Variants in GOLGA5 observed in about 807,000 individuals in gnomAD.
The protein encoded by GOLGA5 is golgin A5, also known as golgin subfamily A member 5.
Under a neutral mutation model 93.5 loss-of-function variants are expected in GOLGA5, and 50 were observed. The ratio of observed to expected loss-of-function variants is 0.53; its 90% CI spans 0.43 to 0.68. The LOEUF (loss-of-function observed/expected upper bound fraction) is 0.68. GOLGA5 is among the 30% of genes least tolerant of loss of function. GOLGA5 has a pLI of 0.00. For synonymous variants in GOLGA5, 312 were observed against 304.5 expected, an observed-to-expected ratio of 1.02 and a Z score of -0.26; for missense variants, 760 against 856.4, an observed-to-expected ratio of 0.89 and a Z score of 1.40.
In GOLGA5 at chr14:92,811,777, T is replaced by C. The variant is rs751617581; in HGVS notation, c.1320+23T>C. ...CAAGTAAGCATGAAATGTACACTTTTGGATGTTAAGATGTGCAAGTTAACT... is the reference window on the plus strand; with the variant it reads ...CAAGTAAGCATGAAATGTACACTTTCGGATGTTAAGATGTGCAAGTTAACT... On this transcript the variant is annotated intron_variant, in intron 6 of 12. Transcript: ENST00000163416. 4.5e-6 allele frequency: 7 copies of C among 1,538,784 alleles called. No homozygotes were observed. The South Asian group carries it at 7.8e-5, about 17-fold the overall frequency.
At chr14:92,815,269 T>C (rs1188522813) in intron 6 of GOLGA5, among the ~76,000 whole-genome samples, 1 of 152,242 alleles carries the variant, frequency 6.6e-6, no homozygotes, top group Non-Finnish European at 1.5e-5. Context: ...AGTCTACCCA[T>C]ATTTCAAGGC....
intron 2 of GOLGA5, among the ~76,000 whole-genome samples, chr14:92,805,982 A>T (rs1286934093): frequency 1.3e-5 from 2 of 149,480 alleles, no homozygotes; most frequent in Non-Finnish European, 3.0e-5. Context: ...GTTTGATTAA[A>T]AAAAAAAAAC....
rs768631879 is a variant in GOLGA5, at chr14:92,839,404, T to C, written c.2154T>C (p.Thr718=). The part of the protein sequence containing the change: ...LHLWVMIVLL[T]YTPEMHHDQP... ...TCTGGGTCATGATTGTTCTGTTGACTTACACACCAGAAATGCACCACGACC... is the reference window on the plus strand; with the variant it reads ...TCTGGGTCATGATTGTTCTGTTGACCTACACACCAGAAATGCACCACGACC... Residue 718 remains threonine, a synonymous_variant, in exon 13 of 13, where the codon ACT becomes ACC. Coordinates refer to ENST00000163416, the MANE Select transcript of GOLGA5 (RefSeq NM_005113.4). 2 of 1,612,564 alleles carry C rather than the reference T, an allele frequency of 1.2e-6. No individual in the cohort carries two copies. Among genetic ancestry groups the C allele is most frequent in the South Asian group, 1.1e-5 (1 of 91,066 alleles).
At chr14:92,816,541 C>CGCTTT (rs372117603) in intron 7 of GOLGA5, 120 bp downstream of exon 7, 22 of 718,388 alleles carry the variant, frequency 3.1e-5, no homozygotes, top group South Asian at 2.6e-4. Context: ...CGCTTCGCTT[C>CGCTTT]GCTTCTCTTC....
intron 2 of GOLGA5, among the ~76,000 whole-genome samples, chr14:92,799,161 CAG>C (rs765981470): frequency 1.5e-4 from 23 of 152,100 alleles, no homozygotes; most frequent in South Asian, 8.3e-4. Flanking sequence ...TTAATAGAAA[CAG>C]TGTCTCACTG....
At chr14:92,811,876 G>A (rs1284916542) in intron 6 of GOLGA5, 122 bp downstream of exon 6, 2 of 714,356 alleles carry the variant, frequency 2.8e-6, no homozygotes, top group East Asian at 2.7e-5. Flanking sequence ...CTAGCTTTAG[G>A]TGCCTTACTC....
At chr14:92,838,818 G>A (rs141841665) in intron 12 of GOLGA5, among the ~76,000 whole-genome samples, 485 of 152,270 alleles carry the variant, frequency 3.2e-3, no homozygotes, top group Middle Eastern at 0.014. Context: ...GTGCCCATGA[G>A]ATGTGATTTC....
At chr14:92,811,408 C>T (rs1168830596) in intron 5 of GOLGA5, 143 bp from the exon 6 acceptor site, 1 of 625,450 alleles carries the variant, frequency 1.6e-6, no homozygotes, top group African/African-American at 1.9e-5. Flanking sequence ...ACTTTAGCTC[C>T]TAACAAATTA....
At chr14:92,819,305 A>G (rs1195671396) in intron 7 of GOLGA5, among the ~76,000 whole-genome samples, 1 of 152,090 alleles carries the variant, frequency 6.6e-6, no homozygotes, top group Non-Finnish European at 1.5e-5. Flanking sequence ...ACCATGTCTC[A>G]TTCACCTTTA....
At chr14:92,799,458 T>TTG (rs386382182) in intron 2 of GOLGA5, among the ~76,000 whole-genome samples, 1 of 148,874 alleles carries the variant, frequency 6.7e-6, no homozygotes, top group African/African-American at 2.5e-5. Flanking sequence ...TTTTTTTTTT[T>TTG]TGTATTTTTA....
intron 6 of GOLGA5, among the ~76,000 whole-genome samples, chr14:92,815,947 C>T (rs1033348186): frequency 1.4e-4 from 22 of 151,908 alleles, no homozygotes; most frequent in African/African-American, 4.3e-4. Context: ...CCTCGTGATC[C>T]GCCCGCCTCA....
At chr14:92,801,104 C>G (rs1884860548) in intron 2 of GOLGA5, among the ~76,000 whole-genome samples, 2 of 152,144 alleles carry the variant, frequency 1.3e-5, no homozygotes, top group South Asian at 4.1e-4. Flanking sequence ...CACAAATTGC[C>G]AAATGTCCCT....
intron 10 of GOLGA5, among the ~76,000 whole-genome samples, chr14:92,834,024 T>A (rs1030444553): frequency 1.3e-5 from 2 of 151,678 alleles, no homozygotes. Flanking sequence ...ATTATCATTT[T>A]ATTTGTAATT....
rs1176428163 is a variant in GOLGA5, at chr14:92,811,086, A to G, written c.1117-465A>G. Among the ~76,000 whole-genome samples the G allele has an allele frequency of 3.9e-5, 6 of 152,272 alleles. No individual in the cohort carries two copies. The East Asian group carries it at 1.2e-3, about 29-fold the overall frequency. ...TATTAATTATTTCAATATGTAGTCA[A>G]TATTAAAAGTTATTAATGAGATATT... On this transcript the variant is annotated intron_variant, in intron 5 of 12. Transcript: ENST00000163416.
intron 3 of GOLGA5, among the ~76,000 whole-genome samples, chr14:92,808,283 CT>C (rs1885032743): frequency 6.6e-6 from 1 of 151,992 alleles, no homozygotes; most frequent in South Asian, 2.1e-4. Flanking sequence ...AAAGTACTCA[CT>C]AGTCAGGCTG....
In GOLGA5 at chr14:92,837,418, C is replaced by T; in HGVS notation, c.2084C>T (p.Pro695Leu). Residue 695 changes from proline (P) to leucine (L), a missense_variant, in exon 12 of 13, where the codon CCC becomes CTC. Transcript: ENST00000163416. ...IRLGIFLRRY[P>L]IARVFVIIYM... ...CTGGGAATTTTTCTCCGAAGATACC[C>T]CATAGCGCGAGTTTTTGTAATTATA... The T allele has an allele frequency of 1.3e-6, 2 of 1,540,024 alleles. No individual in the cohort carries two copies. Among genetic ancestry groups the T allele is most frequent in the Non-Finnish European group, 1.8e-6 (2 of 1,113,238 alleles).
At chr14:92,818,777 A>G (rs1032677825) in intron 7 of GOLGA5, among the ~76,000 whole-genome samples, 1 of 152,232 alleles carries the variant, frequency 6.6e-6, no homozygotes, top group East Asian at 1.9e-4. Context: ...GCTGATTTTA[A>G]TCTTCTGTTG....
intron 7 of GOLGA5, 124 bp downstream of exon 7, chr14:92,816,545 T>C (rs1885212434): frequency 2.8e-6 from 2 of 713,154 alleles, no homozygotes; most frequent in Non-Finnish European, 4.7e-6. Context: ...TCGCTTCGCT[T>C]CTCTTCTCTT....
chr14:92,817,137 C>G (rs1885227352), intron 7 of GOLGA5, among the ~76,000 whole-genome samples: 1 of 152,038 alleles, frequency 6.6e-6, no homozygotes, highest in Admixed American at 6.6e-5. Flanking sequence ...GATGGGGTTT[C>G]ACCATGTTGC....
Sources: gnomAD v4.1 joint callset for allele counts (sites outside exome capture counted in the v4.1 genomes callset) on GRCh38, gnomAD v4.1.1 for gene constraint, MANE v1.5 for transcripts, NCBI Gene and HGNC (gene_info 2026-07-23, HGNC 2026-07-21) for gene names.